Variants in CFAP61 observed in about 807,000 individuals in gnomAD.
CFAP61 encodes the protein cilia- and flagella-associated protein 61.
Under a neutral mutation model 135.6 loss-of-function variants are expected in CFAP61, and 107 were observed. The ratio of observed to expected loss-of-function variants is 0.79; its 90% CI spans 0.67 to 0.93. CFAP61 has a LOEUF of 0.93. CFAP61 is among the 40% of genes least tolerant of loss of function. The pLI, the probability that CFAP61 is intolerant of heterozygous loss-of-function variation, is 0.00. For missense variants in CFAP61, 1,507 were observed against 1,556.2 expected (o/e 0.97, Z 0.53); for synonymous variants, 575 against 578.5 (o/e 0.99, Z 0.09).
intron 13 of CFAP61, chr20:20,184,754 G>A (rs2055379410): frequency 6.6e-6 from 1 of 152,146 alleles, no homozygotes; most frequent in Non-Finnish European, 1.5e-5. Flanking sequence ...CCTCAGGTAG[G>A]GAATTCTGAT....
intron 26 of CFAP61, among the ~76,000 whole-genome samples, chr20:20,351,295 T>C (rs895854772): frequency 1.3e-5 from 2 of 152,086 alleles, no homozygotes; most frequent in African/African-American, 2.4e-5. Flanking sequence ...AAGTCAGTAG[T>C]GTTGGCTAGG....
intron 8 of CFAP61, among the ~76,000 whole-genome samples, chr20:20,119,518 T>G (rs1294391812): frequency 6.6e-6 from 1 of 152,230 alleles, no homozygotes; most frequent in Non-Finnish European, 1.5e-5. Flanking sequence ...TTAGTCTAGC[T>G]AAAGGTTTGT....
rs754966962 is a variant in CFAP61 at position 20,277,410 on chromosome 20, C to T, written c.2748C>T (p.Tyr916=). The T allele has an allele frequency of 6.2e-6, 10 of 1,613,866 alleles. No homozygotes were observed. The South Asian group carries it at 8.8e-5, about 14-fold the overall frequency. ...ACGGCCTGCACCCAGACCCCATCTA[C>T]AGCGCCTCCTTCACCACACCCACCA... ...WNDGLHPDPI[Y]SASFTTPTKP... The change falls in exon 22 of 27, where the codon TAC becomes TAT. Residue 916 remains tyrosine (Y), a synonymous_variant. Transcript: ENST00000245957.
chr20:20,337,097 G>C (rs1010783623), intron 25 of CFAP61, among the ~76,000 whole-genome samples: 20 of 152,262 alleles, frequency 1.3e-4, no homozygotes, highest in Non-Finnish European at 4.4e-5. Context: ...AGGGAGAAAA[G>C]TTTACGTGGA....
intron 8 of CFAP61, among the ~76,000 whole-genome samples, chr20:20,103,987 A>C (rs370793004): frequency 1.8e-4 from 28 of 152,368 alleles, no homozygotes; most frequent in African/African-American, 6.5e-4. Context: ...CTGTTTTAAA[A>C]GACTCCTGCA....
chr20:20,212,056 A>G (rs1175907063), intron 17 of CFAP61, among the ~76,000 whole-genome samples: 2 of 152,160 alleles, frequency 1.3e-5, no homozygotes, highest in Non-Finnish European at 1.5e-5. Context: ...ATATATCACA[A>G]GTCTTTTGAT....
chr20:20,097,403 G>C (rs2047663405), intron 7 of CFAP61, among the ~76,000 whole-genome samples: 1 of 152,244 alleles, frequency 6.6e-6, no homozygotes, highest in Non-Finnish European at 1.5e-5. Context: ...GAAATTTAAA[G>C]GACTATGTAT....
chr20:20,220,067 TTG>T (rs1376017226), intron 17 of CFAP61: 1 of 152,406 alleles, frequency 6.6e-6, no homozygotes, highest in East Asian at 1.9e-4. Context: ...AGGGGGCTGG[TTG>T]CCAGGAGAAC....
At chr20:20,274,264 A>G (rs1302342620) in intron 21 of CFAP61, among the ~76,000 whole-genome samples, 1 of 152,248 alleles carries the variant, frequency 6.6e-6, no homozygotes. Flanking sequence ...AACTGGATCT[A>G]AAAATCCTTT....
intron 18 of CFAP61, among the ~76,000 whole-genome samples, chr20:20,230,428 T>G (rs1435188921): frequency 6.6e-6 from 1 of 152,256 alleles, no homozygotes; most frequent in South Asian, 2.1e-4. Context: ...AACTTAATTT[T>G]ATACATGATT....
At chr20:20,204,649 A>G (rs980254352) in intron 17 of CFAP61, among the ~76,000 whole-genome samples, 1 of 151,940 alleles carries the variant, frequency 6.6e-6, no homozygotes, top group African/African-American at 2.4e-5. Context: ...GGTAACTTTC[A>G]CCGCCAGTGG....
At position 20,219,100 on chromosome 20, in the gene CFAP61, A is replaced by G. The variant is rs530514661; in HGVS notation, c.1933-9149A>G. Reference sequence around the variant, plus strand: ...AGATTTTGCTTACATCTCTCTAAGGAAAGTAATATCGAAATGACCAATCCA... The same window carrying G: ...AGATTTTGCTTACATCTCTCTAAGGGAAGTAATATCGAAATGACCAATCCA... On this transcript the variant is annotated intron_variant, in intron 17 of 26. Transcript: ENST00000245957. Among the ~76,000 whole-genome samples the G allele has an allele frequency of 2.0e-5, 3 of 152,320 alleles. 1 individual carries two copies. The South Asian group carries it at 6.2e-4, about 32-fold the overall frequency.
intron 13 of CFAP61, among the ~76,000 whole-genome samples, chr20:20,175,093 C>T (rs944168891): frequency 1.3e-5 from 2 of 152,180 alleles, no homozygotes; most frequent in Non-Finnish European, 2.9e-5. Context: ...TGACATTGCA[C>T]CCTTTGTATC....
intron 17 of CFAP61, among the ~76,000 whole-genome samples, chr20:20,216,874 T>C (rs1411371106): frequency 6.6e-6 from 1 of 152,264 alleles, no homozygotes; most frequent in East Asian, 1.9e-4. Flanking sequence ...TTCCCTGATC[T>C]GATGTGAAGT....
intron 12 of CFAP61, among the ~76,000 whole-genome samples, chr20:20,167,595 C>T (rs547208048): frequency 6.6e-6 from 1 of 152,266 alleles, no homozygotes; most frequent in African/African-American, 2.4e-5. Flanking sequence ...ATCCTTAATC[C>T]TTCAAATCCA....
At chr20:20,198,661 C>G (rs1442820642) in intron 16 of CFAP61, among the ~76,000 whole-genome samples, 1 of 152,086 alleles carries the variant, frequency 6.6e-6, no homozygotes, top group Non-Finnish European at 1.5e-5. Flanking sequence ...CTCTGTATCC[C>G]TCTGGTCAGG....
intron 21 of CFAP61, among the ~76,000 whole-genome samples, chr20:20,272,490 C>T (rs1240267532): frequency 6.6e-6 from 1 of 152,010 alleles, no homozygotes; most frequent in African/African-American, 2.4e-5. Flanking sequence ...GTCATAGGCC[C>T]CCCATAACTG....
chr20:20,104,578 G>A (rs2048246861), intron 8 of CFAP61, among the ~76,000 whole-genome samples: 2 of 152,146 alleles, frequency 1.3e-5, no homozygotes, highest in Non-Finnish European at 2.9e-5. Context: ...TCTACAGGGT[G>A]TGTTAGGATT....
In CFAP61 at chr20:20,302,409, C is replaced by T. The variant is rs550037569; in HGVS notation, c.3422+4023C>T. 2.0e-5 allele frequency among the ~76,000 whole-genome samples: 3 copies of T among 152,294 alleles called. No homozygotes were observed. In the South Asian group the frequency reaches 6.2e-4, roughly 32 times the overall value. The stretch of plus-strand genomic sequence containing the variant: ...GGGTGAGGTGGCTCACCCATGTAAT[C>T]CCAGCACTTTGGGAGGCCGAGGCGG... On this transcript the variant is annotated intron_variant, in intron 25 of 26. Transcript: ENST00000245957.
Sources: allele counts gnomAD v4.1 joint callset (sites outside exome capture counted in the v4.1 genomes callset), GRCh38; gene constraint gnomAD v4.1.1; transcripts MANE v1.5; gene names NCBI Gene and HGNC (gene_info 2026-07-23, HGNC 2026-07-21).